Variants in NDUFAF7 observed in about 807,000 individuals in gnomAD.
The protein encoded by NDUFAF7 is protein arginine methyltransferase NDUFAF7, mitochondrial.
A neutral mutation model predicts 47.2 loss-of-function variants in NDUFAF7; 48 were observed. The observed-to-expected ratio is 1.02, with a 90% confidence interval of 0.81 to 1.29. The LOEUF (loss-of-function observed/expected upper bound fraction) is 1.29, where lower values mean the gene tolerates loss of function less well. Among genes scored for constraint, NDUFAF7 ranks in the 50% most tolerant of loss-of-function variants. The pLI, the probability that NDUFAF7 is intolerant of heterozygous loss-of-function variation, is 0.00. For synonymous variants in NDUFAF7, 217 were observed against 190.0 expected, an observed-to-expected ratio of 1.14 and a Z score of -1.17; for missense variants, 635 against 537.6, an observed-to-expected ratio of 1.18 and a Z score of -1.79.
At chr2:37,267,301 C>T in the NDUFAF7 span, 1 of 537,720 alleles carries the variant, frequency 1.9e-6, no homozygotes, top group Non-Finnish European at 3.2e-6. Context: ...AAGATATTGG[C>T]AGTCCCTATA....
Position 37,241,561 on chromosome 2 carries a change from C to A in NDUFAF7, c.409-17C>A, listed in dbSNP as rs763763017. 82 of 1,576,652 alleles carry A rather than the reference C, an allele frequency of 5.2e-5. No individual in the cohort carries two copies. The highest frequency in any genetic ancestry group is 3.4e-4 in the Middle Eastern group (2 of 5,934). ...TACTTAACACATTGTATTTTTTTTT[C>A]TTCTTTTGGTATTTAGGTGTTCACT... is the stretch of plus-strand genomic sequence containing the variant. On this transcript the variant is annotated splice_polypyrimidine_tract_variant and intron_variant, in intron 4 of 9. Coordinates refer to ENST00000002125, the MANE Select transcript of NDUFAF7 (RefSeq NM_144736.5).
downstream of NDUFAF7, chr2:37,256,620 T>A (rs1372392198): frequency 2.8e-6 from 4 of 1,453,618 alleles, no homozygotes; most frequent in South Asian, 2.8e-5. Context: ...TTAAAACACA[T>A]AGCCAAAATT....
chr2:37,241,851 G>T, intron 5 of NDUFAF7, 60 bp downstream of exon 5: 1 of 1,466,018 alleles, frequency 6.8e-7, no homozygotes, highest in Non-Finnish European at 9.4e-7. Context: ...CAGTATTGAT[G>T]GGACTGTAAC....
At chr2:37,259,757 A>G in the NDUFAF7 span, 1 of 1,044,536 alleles carries the variant, frequency 9.6e-7, no homozygotes, top group South Asian at 1.4e-5. Flanking sequence ...TGAATGATTT[A>G]ATTTGAAAAC....
chr2:37,258,766 C>CT, the NDUFAF7 span, among the ~76,000 whole-genome samples: 319 of 152,230 alleles, frequency 2.1e-3, 1 homozygote, highest in Middle Eastern at 0.071. Context: ...TTTAATATAT[C>CT]TTTTTATTTG....
intron 7 of NDUFAF7, 90 bp downstream of exon 7, chr2:37,244,063 C>A: frequency 8.8e-7 from 1 of 1,138,504 alleles, no homozygotes; most frequent in Non-Finnish European, 1.3e-6. Context: ...TTTTAGAGTT[C>A]CTTTACAGGA....
At chr2:37,253,058 G>A (rs943468593), downstream of NDUFAF7, 20 of 1,069,228 alleles carry the variant, frequency 1.9e-5, 1 homozygote, top group African/African-American at 6.4e-5. Context: ...TCACTTATTC[G>A]TTATCATATT....
At chr2:37,234,575 A>G (rs2148388096) in intron 2 of NDUFAF7, among the ~76,000 whole-genome samples, 1 of 119,986 alleles carries the variant, frequency 8.3e-6, no homozygotes, top group East Asian at 4.4e-4. Context: ...AAATACCCCA[A>G]TAATGTTTCC....
the NDUFAF7 span, among the ~76,000 whole-genome samples, chr2:37,263,278 GTATTT>G: frequency 6.6e-6 from 1 of 152,084 alleles, no homozygotes. Flanking sequence ...TCAAAAATTA[GTATTT>G]TAAAGTTTTC....
At chr2:37,231,846 A>C in intron 1 of NDUFAF7, 86 bp downstream of exon 1, 6 of 1,597,300 alleles carry the variant, frequency 3.8e-6, no homozygotes, top group Non-Finnish European at 5.1e-6. Flanking sequence ...GTACCGGGGG[A>C]TCAAGGGCTC....
At chr2:37,249,389 C>T (rs1037670534), downstream of NDUFAF7, among the ~76,000 whole-genome samples, 1 of 151,960 alleles carries the variant, frequency 6.6e-6, no homozygotes. Context: ...CCAGCCTGGC[C>T]AACATGGTGA....
chr2:37,238,444 C>T (rs368268967), intron 4 of NDUFAF7, among the ~76,000 whole-genome samples: 4 of 149,576 alleles, frequency 2.7e-5, no homozygotes, highest in East Asian at 3.9e-4. Flanking sequence ...AGCGAGACTC[C>T]GTCTCAAAAA....
chr2:37,257,460 T>C (rs995290425), downstream of NDUFAF7, among the ~76,000 whole-genome samples: 10 of 151,964 alleles, frequency 6.6e-5, no homozygotes, highest in East Asian at 1.9e-3. Context: ...GGTCAGGAGA[T>C]TGAGACCATC....
the NDUFAF7 span, among the ~76,000 whole-genome samples, chr2:37,264,395 T>C: frequency 2.6e-5 from 4 of 152,132 alleles, no homozygotes; most frequent in African/African-American, 9.7e-5. Flanking sequence ...CAAAGATGCC[T>C]TGTCTCGCAG....
At chr2:37,234,918 T>C (rs966663446) in intron 2 of NDUFAF7, among the ~76,000 whole-genome samples, 2 of 152,210 alleles carry the variant, frequency 1.3e-5, no homozygotes, top group Non-Finnish European at 2.9e-5. Flanking sequence ...CCATGTCACC[T>C]GTAGTAAGGT....
At chr2:37,262,871 T>G in the NDUFAF7 span, among the ~76,000 whole-genome samples, 1 of 151,912 alleles carries the variant, frequency 6.6e-6, no homozygotes, top group East Asian at 1.9e-4. Context: ...CTGATAGAGA[T>G]GAGCAAAGTA....
chr2:37,251,604 T>C (rs995764611), downstream of NDUFAF7: 3 of 152,308 alleles, frequency 2.0e-5, no homozygotes, highest in South Asian at 6.2e-4. Flanking sequence ...TCTGTTCATG[T>C]ACCAGAACAT....
At chr2:37,239,824 A>G (rs1303524166) in intron 4 of NDUFAF7, among the ~76,000 whole-genome samples, 1 of 152,230 alleles carries the variant, frequency 6.6e-6, no homozygotes, top group Non-Finnish European at 1.5e-5. Flanking sequence ...TGATAAAAAT[A>G]TATTTAGTAA....
downstream of NDUFAF7, among the ~76,000 whole-genome samples, chr2:37,255,482 G>A (rs1428133630): frequency 2.0e-5 from 3 of 152,110 alleles, no homozygotes; most frequent in Admixed American, 6.5e-5. Flanking sequence ...TATTCTTGAC[G>A]GGTACAGAAC....
Sources: gnomAD v4.1 joint callset for allele counts (sites outside exome capture counted in the v4.1 genomes callset) on GRCh38, gnomAD v4.1.1 for gene constraint, MANE v1.5 for transcripts, NCBI Gene and HGNC (gene_info 2026-07-23, HGNC 2026-07-21) for gene names.